The following PKP2 variants were observed in gnomAD, a reference collection of about 807,000 sequenced individuals.
PKP2 encodes the protein plakophilin 2.
Under a neutral mutation model 83.4 loss-of-function variants are expected in PKP2, and 73 were observed. The ratio of observed to expected loss-of-function variants is 0.88; its 90% CI spans 0.72 to 1.06. The LOEUF is 1.06. PKP2 is among the 50% of genes least tolerant of loss of function. The pLI is 0.00. For synonymous variants in PKP2, 409 were observed against 430.4 expected (o/e 0.95, Z 0.62); for missense variants, 966 against 1,065.4 (o/e 0.91, Z 1.30).
chr12:32,834,026 C>T (rs1187364210), intron 6 of PKP2, among the ~76,000 whole-genome samples: 2 of 152,138 alleles, frequency 1.3e-5, no homozygotes, highest in African/African-American at 4.8e-5. Context: ...GAATGATGAA[C>T]TAAAGACTGA....
At chr12:32,854,936 T>A (rs951572457) in intron 4 of PKP2, among the ~76,000 whole-genome samples, 1 of 152,234 alleles carries the variant, frequency 6.6e-6, no homozygotes, top group Non-Finnish European at 1.5e-5. Flanking sequence ...TTCAGTCCAC[T>A]CTGCCTCTCT....
chr12:32,790,774 G>A lies in PKP2; in HGVS notation c.*1650C>T, dbSNP rs1956058223. 2.6e-5 allele frequency: 4 copies of A among 152,006 alleles called. No homozygotes were observed. The South Asian group carries it at 6.2e-4, about 24-fold the overall frequency. 9.4% of individuals were successfully genotyped at this position (152,006 alleles called of 1,614,324 possible). A position where few individuals can be genotyped will look rare whatever the true frequency, so the allele number is the denominator to read the frequency against. On this transcript the variant is annotated 3_prime_UTR_variant, in exon 13 of 13. Coordinates refer to ENST00000340811, the MANE Select transcript of PKP2 (RefSeq NM_001005242.3). ...GTCTCATTTTGTATTTAATATTATC[G>A]AAGGCTTTATTAATGCCTTAAAAAA...
Position 32,822,641 on chromosome 12 carries a change from C to G in PKP2, c.1675-10G>C. 2 of 1,613,698 alleles carry G rather than the reference C, an allele frequency of 1.2e-6. No homozygotes were observed. Among genetic ancestry groups the G allele is most frequent in the Non-Finnish European group, 1.7e-6 (2 of 1,179,730 alleles). The stretch of plus-strand genomic sequence containing the variant: ...CACAATTCTCCGTGGCCTGAGAAAA[C>G]AGGACAAGAATATTGATCGTATACA... On this transcript the variant is annotated splice_polypyrimidine_tract_variant and intron_variant, in intron 7 of 12. Coordinates refer to ENST00000340811, the MANE Select transcript of PKP2 (RefSeq NM_001005242.3).
intron 4 of PKP2, among the ~76,000 whole-genome samples, chr12:32,868,648 G>A (rs975248773): frequency 6.6e-6 from 1 of 151,916 alleles, no homozygotes; most frequent in South Asian, 2.1e-4. Context: ...TCAGCCTCTC[G>A]AGTAGCTGGG....
rs934733168 is a variant in PKP2 at position 32,792,906 on chromosome 12, C to T, written c.2358-175G>A. The T allele has an allele frequency of 3.1e-5, 20 of 652,408 alleles. No individual in the cohort carries two copies. In the South Asian group the frequency reaches 3.2e-4, roughly 10 times the overall value. The allele number at this position is 652,408 out of a possible 1,614,324, so 40.4% of individuals were successfully genotyped here. On this transcript the variant is annotated intron_variant, in intron 11 of 12. Coordinates refer to ENST00000340811, the MANE Select transcript of PKP2 (RefSeq NM_001005242.3). ...GGCAGCAAGCTCTGCAAGGCGGGGA[C>T]CATATCTGTTTTTGTTTTCTTTTTA...
intron 4 of PKP2, among the ~76,000 whole-genome samples, chr12:32,851,994 G>A (rs1460542802): frequency 6.6e-6 from 1 of 152,156 alleles, no homozygotes; most frequent in Non-Finnish European, 1.5e-5. Flanking sequence ...CCTAATCTAA[G>A]CAGGGAGATT....
rs1039022167 is a variant in PKP2 at position 32,896,614 on chromosome 12, G to C, written c.118C>G (p.Leu40Val). 1.2e-5 allele frequency: 19 copies of C among 1,584,412 alleles called. No individual in the cohort carries two copies. Among genetic ancestry groups the C allele is most frequent in the Non-Finnish European group, 1.6e-5 (19 of 1,174,592 alleles). Residue 40 changes from leucine (L) to valine (V), a missense_variant, in exon 1 of 13, where the codon CTG becomes GTG. By Grantham distance (32) the Leu-to-Val change is conservative (BLOSUM62 1). Transcript: ENST00000340811. ...CCGCCGCGGCCGCTGCTCCCCGCCAGCTTCAGCTTGGCCTCGGAGGGCAGC... is the reference window on the plus strand; with the variant it reads ...CCGCCGCGGCCGCTGCTCCCCGCCACCTTCAGCTTGGCCTCGGAGGGCAGC... ...LALPSEAKLK[L>V]AGSSGRGGQT...
Position 32,878,090 on chromosome 12 carries a change from C to T in PKP2, c.790G>A (p.Ala264Thr). 3.1e-6 allele frequency: 5 copies of T among 1,614,176 alleles called. No individual in the cohort carries two copies. Among genetic ancestry groups the T allele is most frequent in the Non-Finnish European group, 4.2e-6 (5 of 1,180,046 alleles). The change falls in exon 3 of 13, where the codon GCA becomes ACA. Residue 264 changes from alanine (A) to threonine (T), a missense_variant. Coordinates refer to ENST00000340811, the MANE Select transcript of PKP2 (RefSeq NM_001005242.3). ...CTGACCTGCCCGACAGTGAGCCCTG[C>T]CGTCAGGTAGTTCTCCTTCTCCAAG... ...NLLEKENYLTAGLTVGQVRPL... is the reference protein window; with the variant it reads ...NLLEKENYLTTGLTVGQVRPL...
chr12:32,869,190 A>G, intron 3 of PKP2, 128 bp from the exon 4 acceptor site: 1 of 1,097,810 alleles, frequency 9.1e-7, no homozygotes, highest in Non-Finnish European at 1.4e-6. Context: ...GCTTTTCTTC[A>G]GCCAAAAGAA....
chr12:32,841,469 C>G (rs1048782670), intron 5 of PKP2, among the ~76,000 whole-genome samples: 2 of 152,146 alleles, frequency 1.3e-5, no homozygotes, highest in Non-Finnish European at 2.9e-5. Context: ...CAAATAAAGG[C>G]CAGACATGCT....
intron 4 of PKP2, among the ~76,000 whole-genome samples, chr12:32,868,042 A>T (rs1275857289): frequency 6.6e-6 from 1 of 152,226 alleles, no homozygotes; most frequent in South Asian, 2.1e-4. Flanking sequence ...AATGAAAAAA[A>T]GTTGCAAAAC....
At chr12:32,855,773 CAAAAAAAAAA>C (rs11431590) in intron 4 of PKP2, among the ~76,000 whole-genome samples, 4 of 46,864 alleles carry the variant, frequency 8.5e-5, no homozygotes, top group African/African-American at 4.2e-4. Flanking sequence ...GACTCCATCT[CAAAAAAAAAA>C]AAAAAAAAAA....
At chr12:32,878,680 T>A in intron 2 of PKP2, 137 bp from the exon 3 acceptor site, 1 of 783,282 alleles carries the variant, frequency 1.3e-6, no homozygotes, top group Non-Finnish European at 2.1e-6. Flanking sequence ...CCTTTCTGGG[T>A]AAAGGCTTTT....
At chr12:32,828,392 G>C (rs1394243500) in intron 6 of PKP2, among the ~76,000 whole-genome samples, 1 of 152,214 alleles carries the variant, frequency 6.6e-6, no homozygotes, top group Admixed American at 6.5e-5. Context: ...ATTAATGACA[G>C]TGTGAGTAAA....
chr12:32,792,120 A>G lies in PKP2; in HGVS notation c.*304T>C. The G allele has an allele frequency of 2.4e-6, 1 of 417,870 alleles. No homozygotes were observed. 25.9% of individuals were successfully genotyped at this position (417,870 alleles called of 1,614,324 possible). A position where few individuals can be genotyped will look rare whatever the true frequency, so the allele number is the denominator to read the frequency against. On this transcript the variant is annotated 3_prime_UTR_variant, in exon 13 of 13. Transcript: ENST00000340811. ...AATGCAACAGCTTCTTTCCTTATTT[A>G]TTGGATTAATGTCCCTTCCACATGA...
At chr12:32,844,619 G>C (rs1565588282) in intron 5 of PKP2, among the ~76,000 whole-genome samples, 1 of 152,182 alleles carries the variant, frequency 6.6e-6, no homozygotes, top group African/African-American at 2.4e-5. Flanking sequence ...ACTTCTAAGA[G>C]AGCTTTGAAG....
chr12:32,841,700 G>A (rs1017364172), intron 5 of PKP2, among the ~76,000 whole-genome samples: 3 of 152,092 alleles, frequency 2.0e-5, no homozygotes, highest in East Asian at 3.9e-4. Flanking sequence ...CTGACATTGT[G>A]CCTCCCAGTA....
chr12:32,826,584 T>C (rs1381416376), intron 6 of PKP2, among the ~76,000 whole-genome samples: 1 of 152,200 alleles, frequency 6.6e-6, no homozygotes, highest in Admixed American at 6.5e-5. Context: ...TTGACCCTTC[T>C]ACTTCCTTAT....
intron 5 of PKP2, among the ~76,000 whole-genome samples, chr12:32,843,589 T>C (rs892410904): frequency 6.6e-5 from 10 of 152,220 alleles, no homozygotes; most frequent in African/African-American, 2.4e-4. Context: ...CACTGGAGCC[T>C]ACACAGAGCT....
Sources: allele counts gnomAD v4.1 joint callset (sites outside exome capture counted in the v4.1 genomes callset), GRCh38; gene constraint gnomAD v4.1.1; transcripts MANE v1.5; gene names NCBI Gene and HGNC (gene_info 2026-07-23, HGNC 2026-07-21).